NTM: variants seen among roughly 807,000 people sequenced by gnomAD.
NTM encodes IgLON family member 2.
A neutral mutation model predicts 42.1 loss-of-function variants in NTM; 13 were observed. The observed-to-expected ratio is 0.31, with a 90% CI of 0.20 to 0.49. NTM has a LOEUF of 0.49. NTM is among the 20% of genes least tolerant of loss of function. The pLI, the probability that NTM is intolerant of heterozygous loss-of-function variation, is 0.99. For missense variants in NTM, 373 were observed against 452.8 expected, an observed-to-expected ratio of 0.82 and a Z score of 1.60; for synonymous variants, 187 against 179.2, an observed-to-expected ratio of 1.04 and a Z score of -0.35.
At chr11:132,006,469 T>G (rs892010004) in intron 2 of NTM, among the ~76,000 whole-genome samples, 66 of 152,338 alleles carry the variant, frequency 4.3e-4, no homozygotes, top group African/African-American at 1.6e-3. Context: ...AGCCTCTTTT[T>G]GAAATAGATT....
intron 4 of NTM, among the ~76,000 whole-genome samples, chr11:132,216,284 A>G (rs2083850571): frequency 6.6e-6 from 1 of 152,196 alleles, no homozygotes; most frequent in Admixed American, 6.5e-5. Context: ...TACCAGTTTC[A>G]GTTGGATTGT....
At chr11:132,281,655 A>G (rs2093974849) in intron 4 of NTM, among the ~76,000 whole-genome samples, 1 of 152,246 alleles carries the variant, frequency 6.6e-6, no homozygotes, top group African/African-American at 2.4e-5. Context: ...ATTCCAAAGC[A>G]CAATATGTGC....
chr11:131,991,517 A>C (rs988368708), intron 2 of NTM, among the ~76,000 whole-genome samples: 7 of 152,228 alleles, frequency 4.6e-5, no homozygotes, highest in Non-Finnish European at 1.0e-4. Context: ...GGACATAAGC[A>C]TAGCCCATAT....
intron 1 of NTM, among the ~76,000 whole-genome samples, chr11:131,681,009 C>CTGTG (rs1340627397): frequency 2.6e-4 from 5 of 18,986 alleles, no homozygotes; most frequent in African/African-American, 8.9e-4. Context: ...GTTTCTGTGT[C>CTGTG]TGTATGTCTC....
chr11:132,316,693 A>G (rs952773827), intron 7 of NTM, among the ~76,000 whole-genome samples: 2 of 152,182 alleles, frequency 1.3e-5, no homozygotes, highest in African/African-American at 4.8e-5. Flanking sequence ...TGAGGAGTCC[A>G]TCACTAGCAA....
chr11:131,448,602 CA>C (rs1225445398), intron 1 of NTM, among the ~76,000 whole-genome samples: 1 of 152,254 alleles, frequency 6.6e-6, no homozygotes, highest in African/African-American at 2.4e-5. Context: ...CTTCTCTGAA[CA>C]GTTCTCAGTC....
At chr11:132,153,870 G>C (rs2072547697) in intron 3 of NTM, among the ~76,000 whole-genome samples, 1 of 152,148 alleles carries the variant, frequency 6.6e-6, no homozygotes, top group South Asian at 2.1e-4. Context: ...GGATGTTTGA[G>C]GGTATAAATG....
rs1352664578 is a variant in NTM, at chr11:131,911,567, T to C, written c.86T>C (p.Val29Ala). 6.2e-7 allele frequency: 1 copy of C among 1,613,918 alleles called. No individual in the cohort carries two copies. Among genetic ancestry groups the C allele is most frequent in the African/African-American group, 1.3e-5 (1 of 74,884 alleles). ...CTGCTGTTCCTTGTACCCACAGGAGTGCCCGTGCGCAGCGGAGATGCCACC... is the reference window on the plus strand; with the variant it reads ...CTGCTGTTCCTTGTACCCACAGGAGCGCCCGTGCGCAGCGGAGATGCCACC... ...GLAALCLFQG[V>A]PVRSGDATFP... The change falls in exon 2 of 9, where the codon GTG (valine) becomes GCG (alanine). Residue 29 changes from valine (V) to alanine (A), a missense_variant. Around this residue, in one of 3 missense-constraint regions of NTM, gnomAD observed 32 missense variants for 68.8 expected, o/e 0.47. Transcript: ENST00000683400.
intron 2 of NTM, among the ~76,000 whole-genome samples, chr11:131,939,134 G>A (rs1053412119): frequency 2.0e-5 from 3 of 152,172 alleles, no homozygotes; most frequent in African/African-American, 7.2e-5. Flanking sequence ...ATTGTAGCTA[G>A]AGAGGAGAAT....
chr11:131,753,900 A>C (rs1460946698), intron 1 of NTM, among the ~76,000 whole-genome samples: 1 of 150,006 alleles, frequency 6.7e-6, no homozygotes, highest in African/African-American at 2.5e-5. Context: ...AATAATAATA[A>C]AATTAAAAAA....
At chr11:131,526,812 G>A (rs1028464733) in intron 1 of NTM, among the ~76,000 whole-genome samples, 1 of 152,160 alleles carries the variant, frequency 6.6e-6, no homozygotes, top group Non-Finnish European at 1.5e-5. Flanking sequence ...TGGAGCAGAG[G>A]GAAAAGTTAT....
intron 2 of NTM, among the ~76,000 whole-genome samples, chr11:132,107,035 G>A (rs550206845): frequency 6.6e-6 from 1 of 152,004 alleles, no homozygotes; most frequent in African/African-American, 2.4e-5. Context: ...TCCATAAAAG[G>A]CATGTAAAAC....
At chr11:131,707,294 C>G (rs187696533) in intron 1 of NTM, among the ~76,000 whole-genome samples, 54 of 152,176 alleles carry the variant, frequency 3.5e-4, no homozygotes, top group South Asian at 1.0e-3. Flanking sequence ...TAATGTCCTT[C>G]AGGTTCATTC....
At chr11:132,097,672 T>C (rs2061173558) in intron 2 of NTM, among the ~76,000 whole-genome samples, 1 of 152,226 alleles carries the variant, frequency 6.6e-6, no homozygotes, top group Non-Finnish European at 1.5e-5. Flanking sequence ...AGCTTTCTAT[T>C]TGAGAATGTC....
intron 1 of NTM, among the ~76,000 whole-genome samples, chr11:131,830,616 G>C (rs1184202058): frequency 1.3e-5 from 2 of 152,132 alleles, no homozygotes; most frequent in Non-Finnish European, 2.9e-5. Flanking sequence ...CTCCAGCTTT[G>C]TTCTATTATT....
At chr11:132,120,187 T>C (rs2064550209) in intron 2 of NTM, among the ~76,000 whole-genome samples, 1 of 152,156 alleles carries the variant, frequency 6.6e-6, no homozygotes, top group African/African-American at 2.4e-5. Flanking sequence ...TTTCTGCACA[T>C]GTTGAGCAGC....
chr11:131,568,061 T>G (rs1332919215), intron 1 of NTM, among the ~76,000 whole-genome samples: 1 of 152,226 alleles, frequency 6.6e-6, no homozygotes, highest in East Asian at 1.9e-4. Context: ...GTTTTACATA[T>G]AGTAAGTCAC....
In NTM at chr11:131,974,998, G is replaced by A. The variant is rs2064100789; in HGVS notation, c.167+63350G>A. ...TATTAATAGTTTGCAAAAACCTTCA[G>A]TAGATCTCCCTGCATTGACAAGTGA... On this transcript the variant is annotated intron_variant, in intron 2 of 8. Coordinates refer to ENST00000683400, the MANE Select transcript of NTM (RefSeq NM_001352005.2). 2.6e-5 allele frequency among the ~76,000 whole-genome samples: 4 copies of A among 152,152 alleles called. No homozygotes were observed. In the South Asian group the frequency reaches 8.3e-4, roughly 32 times the overall value.
intron 1 of NTM, among the ~76,000 whole-genome samples, chr11:131,881,990 A>G (rs1456997430): frequency 1.3e-5 from 2 of 152,206 alleles, no homozygotes; most frequent in Admixed American, 6.5e-5. Flanking sequence ...CCTAACATCA[A>G]TTAATTGCGA....
Sources: allele counts gnomAD v4.1 joint callset (sites outside exome capture counted in the v4.1 genomes callset), GRCh38; gene constraint gnomAD v4.1.1; regional missense constraint gnomAD v4.1.1; transcripts MANE v1.5; gene names NCBI Gene and HGNC (gene_info 2026-07-23, HGNC 2026-07-21).